CAP2: variants seen among roughly 807,000 people sequenced by gnomAD.
The protein encoded by CAP2 is cyclase associated actin cytoskeleton regulatory protein 2.
Under a neutral mutation model 57.7 loss-of-function variants are expected in CAP2, and 24 were observed. The observed-to-expected ratio is 0.42, with a 90% CI of 0.30 to 0.58. CAP2 has a LOEUF of 0.58. Ranked by LOEUF, CAP2 falls within the 20% of genes least tolerant of loss-of-function variation. The pLI, the probability that CAP2 is intolerant of heterozygous loss-of-function variation, is 0.22. For synonymous variants in CAP2, 194 were observed against 207.2 expected, an observed-to-expected ratio of 0.94 and a Z score of 0.55; for missense variants, 501 against 590.3, an observed-to-expected ratio of 0.85 and a Z score of 1.57.
At chr6:17,406,638 T>C (rs1758987184) in intron 1 of CAP2, among the ~76,000 whole-genome samples, 1 of 152,036 alleles carries the variant, frequency 6.6e-6, no homozygotes, top group Admixed American at 6.6e-5. Context: ...ATGATGTGCC[T>C]GCCTCGGCCT....
At position 17,431,757 on chromosome 6, in the gene CAP2, C is replaced by T. The variant is rs529230399; in HGVS notation, c.222+5067C>T. On this transcript the variant is annotated intron_variant, in intron 3 of 12. Coordinates refer to ENST00000229922, the MANE Select transcript of CAP2 (RefSeq NM_006366.3). ...GCTAGTCCCTTCATCTGCTCCTTAA[C>T]GAGGCAGGATGACATAATTTCTCAG... is the stretch of plus-strand genomic sequence containing the variant. 5.3e-5 allele frequency among the ~76,000 whole-genome samples: 8 copies of T among 152,172 alleles called. No individual in the cohort carries two copies. The South Asian group carries it at 8.3e-4, about 16-fold the overall frequency.
intron 1 of CAP2, among the ~76,000 whole-genome samples, chr6:17,404,526 A>G (rs993902177): frequency 1.3e-5 from 2 of 151,338 alleles, no homozygotes; most frequent in East Asian, 3.9e-4. Flanking sequence ...AATGGTGTGA[A>G]CCCAGGAGGC....
At chr6:17,555,430 G>A (rs1410107521) in intron 12 of CAP2, among the ~76,000 whole-genome samples, 2 of 151,836 alleles carry the variant, frequency 1.3e-5, no homozygotes, top group Admixed American at 6.6e-5. Context: ...CCAACCTCAG[G>A]TGATCCACCC....
At chr6:17,437,055 C>T (rs1354734807) in intron 3 of CAP2, among the ~76,000 whole-genome samples, 2 of 152,118 alleles carry the variant, frequency 1.3e-5, no homozygotes, top group Admixed American at 1.3e-4. Flanking sequence ...TGTCTAGTTA[C>T]AGGAAAATAA....
intron 1 of CAP2, among the ~76,000 whole-genome samples, chr6:17,414,658 T>C (rs1759232222): frequency 6.6e-6 from 1 of 152,252 alleles, no homozygotes; most frequent in Non-Finnish European, 1.5e-5. Flanking sequence ...CTATCATTGA[T>C]GGGCATTTGG....
intron 3 of CAP2, among the ~76,000 whole-genome samples, chr6:17,443,155 A>C (rs184414293): frequency 3.2e-4 from 49 of 152,232 alleles, no homozygotes; most frequent in South Asian, 1.9e-3. Context: ...GGGAGACTGA[A>C]GCGGGAGGAT....
At position 17,414,342 on chromosome 6, in the gene CAP2, A is replaced by G. The variant is rs112154117; in HGVS notation, c.-1-7213A>G. 2.6e-3 allele frequency among the ~76,000 whole-genome samples: 388 copies of G among 152,060 alleles called. 1 individual carries two copies. The highest frequency in any genetic ancestry group is 8.2e-3 in the African/African-American group (339 of 41,438). ...TGCAGAACATGCAGGTTCGTTACAT[A>G]GGTATACTTGTGTCATGGTAGTTTG... On this transcript the variant is annotated intron_variant, in intron 1 of 12. Coordinates refer to ENST00000229922, the MANE Select transcript of CAP2 (RefSeq NM_006366.3).
intron 4 of CAP2, among the ~76,000 whole-genome samples, chr6:17,477,541 C>T (rs150029139): frequency 7.8e-4 from 119 of 152,316 alleles, no homozygotes; most frequent in African/African-American, 2.6e-3. Context: ...TGAAAACCTC[C>T]TCTTGTCTTT....
intron 4 of CAP2, among the ~76,000 whole-genome samples, chr6:17,471,629 G>A (rs1349982692): frequency 6.6e-6 from 1 of 152,002 alleles, no homozygotes; most frequent in South Asian, 2.1e-4. Flanking sequence ...TCAGGAGATC[G>A]AGACCATCCT....
At chr6:17,474,425 T>TG (rs1375420178) in intron 4 of CAP2, among the ~76,000 whole-genome samples, 2 of 152,210 alleles carry the variant, frequency 1.3e-5, no homozygotes, top group East Asian at 3.8e-4. Flanking sequence ...TGTAAGTAGT[T>TG]GCTTCAGATC....
At chr6:17,500,348 T>TATATATATATATATAG (rs1320043758) in intron 4 of CAP2, among the ~76,000 whole-genome samples, 1 of 71,662 alleles carries the variant, frequency 1.4e-5, no homozygotes, top group Non-Finnish European at 2.7e-5. Context: ...CAAATATATA[T>TATATATATATATATAG]ATATATATAT....
chr6:17,501,650 T>C (rs1261110087), intron 4 of CAP2, among the ~76,000 whole-genome samples: 1 of 152,174 alleles, frequency 6.6e-6, no homozygotes, highest in African/African-American at 2.4e-5. Flanking sequence ...GAATCTGGTT[T>C]TCCTTTTTGG....
intron 2 of CAP2, among the ~76,000 whole-genome samples, chr6:17,423,473 C>T (rs1759498696): frequency 6.6e-6 from 1 of 152,134 alleles, no homozygotes; most frequent in Admixed American, 6.5e-5. Flanking sequence ...TATTTTCACC[C>T]TCTCTTCAGT....
intron 11 of CAP2, among the ~76,000 whole-genome samples, chr6:17,547,685 CA>C (rs771555444): frequency 1.3e-5 from 2 of 151,790 alleles, no homozygotes; most frequent in Non-Finnish European, 2.9e-5. Context: ...ACTAAAAATA[CA>C]AAAAATAAAC....
At chr6:17,548,546 C>G (rs1392298777) in intron 11 of CAP2, among the ~76,000 whole-genome samples, 1 of 152,144 alleles carries the variant, frequency 6.6e-6, no homozygotes. Context: ...GACAGGAAGA[C>G]ATCATTATCA....
At chr6:17,426,395 C>T (rs990492054) in intron 2 of CAP2, among the ~76,000 whole-genome samples, 195 bp from the exon 3 acceptor site, 1 of 151,914 alleles carries the variant, frequency 6.6e-6, no homozygotes, top group Non-Finnish European at 1.5e-5. Context: ...ACCACCACAC[C>T]TGGCTAATTT....
At chr6:17,434,364 G>A (rs1423873036) in intron 3 of CAP2, among the ~76,000 whole-genome samples, 1 of 151,810 alleles carries the variant, frequency 6.6e-6, no homozygotes, top group African/African-American at 2.4e-5. Flanking sequence ...GAGTAGCTGG[G>A]ACTATAGACC....
chr6:17,552,898 A>G (rs962586832), intron 12 of CAP2, among the ~76,000 whole-genome samples: 1 of 152,148 alleles, frequency 6.6e-6, no homozygotes, highest in African/African-American at 2.4e-5. Context: ...GCCACGTGTC[A>G]TACATTACAG....
At chr6:17,494,189 GAA>G (rs1761610838) in intron 4 of CAP2, among the ~76,000 whole-genome samples, 1 of 152,162 alleles carries the variant, frequency 6.6e-6, no homozygotes, top group South Asian at 2.1e-4. Context: ...GCGATCCTTA[GAA>G]AAGAAAACCA....
Sources: gnomAD v4.1 joint callset for allele counts (sites outside exome capture counted in the v4.1 genomes callset) on GRCh38, gnomAD v4.1.1 for gene constraint, MANE v1.5 for transcripts, NCBI Gene and HGNC (gene_info 2026-07-23, HGNC 2026-07-21) for gene names.